Variants in CNTN3 observed in about 807,000 individuals in gnomAD.
The protein encoded by CNTN3 is contactin 3, also known as contactin-3.
Under a neutral mutation model 119.1 loss-of-function variants are expected in CNTN3, and 60 were observed. The observed-to-expected ratio is 0.50, with a 90% CI of 0.41 to 0.62. The LOEUF (loss-of-function observed/expected upper bound fraction) is 0.62, where lower values mean the gene tolerates loss of function less well. Ranked by LOEUF, CNTN3 falls within the 20% of genes least tolerant of loss-of-function variation. The pLI is 0.00. For synonymous variants in CNTN3, 450 were observed against 438.7 expected (o/e 1.03, Z -0.32); for missense variants, 1,101 against 1,242.4 (o/e 0.89, Z 1.71).
chr3:74,317,628 T>A (rs1315921211), intron 13 of CNTN3, among the ~76,000 whole-genome samples: 4 of 152,174 alleles, frequency 2.6e-5, no homozygotes, highest in African/African-American at 7.2e-5. Flanking sequence ...AAATTCTGGG[T>A]TGAAAATTCT....
intron 11 of CNTN3, among the ~76,000 whole-genome samples, chr3:74,339,892 CAGAT>C (rs55925924): frequency 0.13 from 19,446 of 149,692 alleles, 1,300 homozygotes; most frequent in Non-Finnish European, 0.13. Context: ...TAATTGGATA[CAGAT>C]AGATAGATAG....
intron 10 of CNTN3, among the ~76,000 whole-genome samples, chr3:74,362,737 T>A (rs1030665102): frequency 6.6e-6 from 1 of 152,140 alleles, no homozygotes; most frequent in Admixed American, 6.6e-5. Flanking sequence ...CACTCTTCCT[T>A]TTGCTGCAAA....
At chr3:74,500,522 A>AG (rs397740430) in intron 2 of CNTN3, among the ~76,000 whole-genome samples, 1 of 151,256 alleles carries the variant, frequency 6.6e-6, no homozygotes, top group Non-Finnish European at 1.5e-5. Flanking sequence ...AAAAAAAAAA[A>AG]GCTCTTTACT....
chr3:74,429,594 T>G (rs976435821), intron 4 of CNTN3, among the ~76,000 whole-genome samples: 16 of 152,134 alleles, frequency 1.1e-4, no homozygotes, highest in Middle Eastern at 3.2e-3. Context: ...GCTTTTAGAC[T>G]TGACACCAAT....
intron 22 of CNTN3, among the ~76,000 whole-genome samples, chr3:74,265,179 A>G (rs1200064650): frequency 6.6e-6 from 1 of 152,170 alleles, no homozygotes; most frequent in Admixed American, 6.5e-5. Context: ...TCTTTTTAAA[A>G]GGCAATAAAT....
At chr3:74,550,443 G>A (rs575969906) in intron 1 of CNTN3, among the ~76,000 whole-genome samples, 19 of 152,214 alleles carry the variant, frequency 1.2e-4, no homozygotes, top group Admixed American at 2.6e-4. Flanking sequence ...GAAAGCATCT[G>A]CAATTGCATT....
chr3:74,407,264 A>ATTTTTTTTT (rs753215277), intron 5 of CNTN3, among the ~76,000 whole-genome samples: 37 of 105,550 alleles, frequency 3.5e-4, no homozygotes, highest in East Asian at 6.0e-4. Context: ...CAAATATTCT[A>ATTTTTTTTT]TTTTTTTTTT....
At chr3:74,545,284 A>G (rs1439323767) in intron 1 of CNTN3, among the ~76,000 whole-genome samples, 1 of 152,208 alleles carries the variant, frequency 6.6e-6, no homozygotes, top group Non-Finnish European at 1.5e-5. Context: ...CTCTGGTGGG[A>G]TGCCAATTTA....
At chr3:74,505,620 T>C (rs77274654) in intron 2 of CNTN3, among the ~76,000 whole-genome samples, 93 of 152,060 alleles carry the variant, frequency 6.1e-4, no homozygotes, top group Non-Finnish European at 1.0e-3. Context: ...CCAAACATCA[T>C]GTGTTGGAAA....
In CNTN3 at chr3:74,304,913, C is replaced by T. The variant is rs569971468; in HGVS notation, c.1669-2106G>A. On this transcript the variant is annotated intron_variant, in intron 13 of 22. Coordinates refer to ENST00000263665, the MANE Select transcript of CNTN3 (RefSeq NM_020872.3). ...TTTGACAGAGAATAAGAGAGATCCT[C>T]TCCTTATTTTTTGTCTCCATTAATA... Among the ~76,000 whole-genome samples, 6 of 152,178 alleles carry T rather than the reference C, an allele frequency of 3.9e-5. No individual in the cohort carries two copies. The South Asian group carries it at 1.2e-3, about 32-fold the overall frequency.
chr3:74,472,457 A>G (rs1702582851), intron 4 of CNTN3, among the ~76,000 whole-genome samples: 1 of 152,220 alleles, frequency 6.6e-6, no homozygotes, highest in Non-Finnish European at 1.5e-5. Context: ...AGAGCCTGAA[A>G]TAATACTGTG....
At chr3:74,273,761 A>C (rs1464289647) in intron 20 of CNTN3, among the ~76,000 whole-genome samples, 1 of 152,206 alleles carries the variant, frequency 6.6e-6, no homozygotes, top group Non-Finnish European at 1.5e-5. Flanking sequence ...CAAGAAGGAA[A>C]TCTCCAGCTG....
chr3:74,362,030 T>C lies in CNTN3; in HGVS notation c.1224A>G (p.Pro408=). Residue 408 remains proline (P), a synonymous_variant, in exon 11 of 23, where the codon CCA becomes CCG. Transcript: ENST00000263665. Reference sequence around the variant, plus strand: ...TCTTCATTGGATTCTTTGAAAAATCTGGAGCAGAAGCTGAAAGGCAAGAAA... The same window carrying C: ...TCTTCATTGGATTCTTTGAAAAATCCGGAGCAGAAGCTGAAAGGCAAGAAA... ...SAELKVVASA[P]DFSKNPMKKL... The C allele has an allele frequency of 6.2e-7, 1 of 1,613,334 alleles. No individual in the cohort carries two copies. Among genetic ancestry groups the C allele is most frequent in the Non-Finnish European group, 8.5e-7 (1 of 1,179,504 alleles).
intron 5 of CNTN3, among the ~76,000 whole-genome samples, chr3:74,407,656 T>C (rs1021719626): frequency 6.6e-6 from 1 of 151,940 alleles, no homozygotes; most frequent in Non-Finnish European, 1.5e-5. Context: ...TGGAAAACAC[T>C]GGGGAGTGGA....
intron 2 of CNTN3, among the ~76,000 whole-genome samples, chr3:74,501,276 C>T (rs1475653688): frequency 2.0e-5 from 3 of 152,034 alleles, no homozygotes; most frequent in African/African-American, 7.2e-5. Context: ...AGCTCAACCA[C>T]ATGTGCAACC....
intron 1 of CNTN3, among the ~76,000 whole-genome samples, chr3:74,556,917 T>C (rs1217946290): frequency 6.6e-6 from 1 of 152,218 alleles, no homozygotes; most frequent in Non-Finnish European, 1.5e-5. Context: ...TTCATGTGCT[T>C]ATTGGCCATT....
At chr3:74,557,030 A>G (rs923148574) in intron 1 of CNTN3, among the ~76,000 whole-genome samples, 6 of 152,118 alleles carry the variant, frequency 3.9e-5, no homozygotes, top group African/African-American at 1.4e-4. Context: ...GTATTCTAAT[A>G]TAAGTCCCTT....
intron 13 of CNTN3, among the ~76,000 whole-genome samples, chr3:74,323,028 T>C (rs1703034288): frequency 6.6e-6 from 1 of 152,200 alleles, no homozygotes; most frequent in Non-Finnish European, 1.5e-5. Flanking sequence ...AGAGGATTTT[T>C]AGGGCGGTGA....
At chr3:74,349,084 T>TC (rs1167598694) in intron 11 of CNTN3, among the ~76,000 whole-genome samples, 2 of 148,862 alleles carry the variant, frequency 1.3e-5, no homozygotes, top group African/African-American at 5.1e-5. Context: ...AGACCCTGTC[T>TC]CTTAAAAAAA....
Sources: gnomAD v4.1 joint callset for allele counts (sites outside exome capture counted in the v4.1 genomes callset) on GRCh38, gnomAD v4.1.1 for gene constraint, MANE v1.5 for transcripts, NCBI Gene and HGNC (gene_info 2026-07-23, HGNC 2026-07-21) for gene names.